Variants in POLN observed in about 807,000 individuals in gnomAD.
POLN encodes the protein DNA polymerase nu, also known as DNA polymerase N.
POLN carries 108 observed loss-of-function variants against 113.5 expected under a neutral mutation model. That is an observed-to-expected ratio of 0.95 (90% CI 0.81 to 1.12). The LOEUF (loss-of-function observed/expected upper bound fraction) is 1.12. POLN is among the 50% of genes most tolerant of loss of function. POLN has a pLI of 0.00. For missense variants in POLN, 1,097 were observed against 1,077.1 expected, an observed-to-expected ratio of 1.02 and a Z score of -0.26; for synonymous variants, 386 against 391.5, an observed-to-expected ratio of 0.99 and a Z score of 0.17.
chr4:2,146,045 C>CAA lies in POLN; in HGVS notation c.1731+10741_1731+10742dup, dbSNP rs34674279. On this transcript the variant is annotated intron_variant, in intron 16 of 25. Coordinates refer to ENST00000511885, the MANE Select transcript of POLN (RefSeq NM_181808.4). ...ATAATTTATATAAACTTTAAAATAG[C>CAA]AAAAAAAAGACAATCTATCATTTAA... 9.2e-3 allele frequency among the ~76,000 whole-genome samples: 1,384 copies of CAA among 150,682 alleles called. 12 individuals carry two copies. Among genetic ancestry groups the CAA allele is most frequent in the Non-Finnish European group, 0.015 (997 of 67,784 alleles).
chr4:2,121,805 A>G (rs534896262), intron 19 of POLN, among the ~76,000 whole-genome samples: 3 of 150,676 alleles, frequency 2.0e-5, no homozygotes, highest in South Asian at 2.1e-4. Flanking sequence ...TTTTTTACCA[A>G]TTTCCTCTAT....
chr4:2,211,442 G>C (rs963977581), intron 4 of POLN, among the ~76,000 whole-genome samples: 3 of 151,994 alleles, frequency 2.0e-5, no homozygotes, highest in Non-Finnish European at 4.4e-5. Context: ...TTGTGATAAG[G>C]ATTTTAAATT....
In POLN at chr4:2,240,401, A is replaced by G. The variant is rs752477168; in HGVS notation, c.-13+1119T>C. The G allele has an allele frequency of 2.7e-5, 43 of 1,612,384 alleles. 1 individual carries two copies. The South Asian group carries it at 3.9e-4, about 14-fold the overall frequency. Reference sequence around the variant, plus strand: ...GATTTGTCCCTTGACCTAAATTAGAATGTCTGAAGAACATCATCAATTGTG... The same window carrying G: ...GATTTGTCCCTTGACCTAAATTAGAGTGTCTGAAGAACATCATCAATTGTG... On this transcript the variant is annotated intron_variant, in intron 2 of 25. Transcript: ENST00000511885.
rs1188883388 is a variant in POLN at position 2,206,567 on chromosome 4, C to G, written c.714+1420G>C. 3.3e-5 allele frequency among the ~76,000 whole-genome samples: 5 copies of G among 152,234 alleles called. No homozygotes were observed. In the South Asian group the frequency reaches 1.0e-3, roughly 32 times the overall value. ...AATTAGCAAGAAAAAAGCAAACAAT[C>G]CCATCAAAAAGTGGGCTAAGGACAT... On this transcript the variant is annotated intron_variant, in intron 5 of 25. Transcript: ENST00000511885.
chr4:2,126,940 G>A lies in POLN; in HGVS notation c.1982+1173C>T, dbSNP rs1731596259. On this transcript the variant is annotated intron_variant, in intron 19 of 25. Transcript: ENST00000511885. This position sits in a 1 kb window ranked among gnomAD's most constrained non-coding sequence, Gnocchi z 4.6. ...GACAGAGGCGGAGACAGCGCATGGG[G>A]AGGGGAGTGCAGGGGGCCGGCCTAG... Among the ~76,000 whole-genome samples, 1 of 152,154 alleles carries A rather than the reference G, an allele frequency of 6.6e-6. No homozygotes were observed. Among genetic ancestry groups the A allele is most frequent in the East Asian group, 1.9e-4 (1 of 5,192 alleles).
chr4:2,158,158 G>T (rs976161574), intron 14 of POLN, among the ~76,000 whole-genome samples: 1 of 152,126 alleles, frequency 6.6e-6, no homozygotes, highest in Admixed American at 6.5e-5. Context: ...CGCCATGTTG[G>T]CCAGGCTGGT....
intron 10 of POLN, among the ~76,000 whole-genome samples, 179 bp from the exon 11 acceptor site, chr4:2,174,198 G>A (rs1250595553): frequency 6.6e-6 from 1 of 152,238 alleles, no homozygotes; most frequent in Non-Finnish European, 1.5e-5. Flanking sequence ...ACAGGCAAAT[G>A]GGCGCATTGA....
intron 19 of POLN, among the ~76,000 whole-genome samples, chr4:2,104,776 G>C (rs949548835): frequency 6.6e-6 from 1 of 152,194 alleles, no homozygotes; most frequent in African/African-American, 2.4e-5. Context: ...ATGGCTGAAA[G>C]AGGAAGAGCC....
Position 2,173,827 on chromosome 4 carries a change from G to C in POLN, c.1374+128C>G, listed in dbSNP as rs1436499153. The C allele has an allele frequency of 8.8e-6, 8 of 909,126 alleles. No individual in the cohort carries two copies. In the East Asian group the frequency reaches 1.9e-4, roughly 22 times the overall value. The allele number at this position is 909,126 out of a possible 1,614,324, so 56.3% of individuals were successfully genotyped here. A position where few individuals can be genotyped will look rare whatever the true frequency, so the allele number is the denominator to read the frequency against. ...CTCCCCTGCAGGCGTCAGAAAGAGG[G>C]AGAAACACTGTCAACACCAAACAAG... On this transcript the variant is annotated intron_variant, in intron 11 of 25. Coordinates refer to ENST00000511885, the MANE Select transcript of POLN (RefSeq NM_181808.4).
chr4:2,208,229 GTTTTC>G lies in POLN; in HGVS notation c.467_471del (p.Arg156ThrfsTer5). ...TCTGACAAATTATTATATGTAATATGTTTTCTTTTAAGATTAATGCTTCCTTTATT... is the reference window on the plus strand; with the variant it reads ...TCTGACAAATTATTATATGTAATATGTTTTAAGATTAATGCTTCCTTTATT... On this transcript the variant is annotated frameshift_variant, in exon 5 of 26. Coordinates refer to ENST00000511885, the MANE Select transcript of POLN (RefSeq NM_181808.4). LOFTEE classifies it high-confidence loss of function. 6 of 1,591,328 alleles carry G rather than the reference GTTTTC, an allele frequency of 3.8e-6. No individual in the cohort carries two copies. The highest frequency in any genetic ancestry group is 5.2e-6 in the Non-Finnish European group (6 of 1,161,750).
At chr4:2,156,485 C>T (rs1448803776) in intron 16 of POLN, 2 of 535,044 alleles carry the variant, frequency 3.7e-6, no homozygotes, top group Middle Eastern at 2.8e-4. Flanking sequence ...TCAGAAGCCA[C>T]CTGTCTGGCA....
intron 17 of POLN, among the ~76,000 whole-genome samples, chr4:2,129,587 A>G (rs1326168436): frequency 6.6e-6 from 1 of 152,136 alleles, no homozygotes; most frequent in East Asian, 1.9e-4. Flanking sequence ...ACAGGGTCTC[A>G]CTATGTTGCC....
intron 16 of POLN, among the ~76,000 whole-genome samples, chr4:2,136,047 A>G (rs1731849700): frequency 6.6e-6 from 1 of 152,190 alleles, no homozygotes; most frequent in African/African-American, 2.4e-5. Context: ...GGAGTCAATC[A>G]TGTTATTTAC....
intron 24 of POLN, among the ~76,000 whole-genome samples, chr4:2,074,435 C>T (rs941544048): frequency 5.9e-5 from 9 of 152,192 alleles, no homozygotes; most frequent in Admixed American, 1.3e-4. Context: ...AAGCTGCTCC[C>T]GGGAACAAGG....
chr4:2,124,361 G>A (rs1422575760), intron 19 of POLN, among the ~76,000 whole-genome samples: 1 of 152,022 alleles, frequency 6.6e-6, no homozygotes, highest in Non-Finnish European at 1.5e-5. Flanking sequence ...CCTCAACCTG[G>A]GCTCAAGCAA....
At chr4:2,082,187 C>G (rs1308821118) in intron 21 of POLN, among the ~76,000 whole-genome samples, 1 of 152,174 alleles carries the variant, frequency 6.6e-6, no homozygotes, top group Admixed American at 6.5e-5. Flanking sequence ...AACTCCTGAC[C>G]TCAGGTGATC....
At chr4:2,180,078 G>A (rs756576470) in intron 7 of POLN, among the ~76,000 whole-genome samples, 4 of 152,226 alleles carry the variant, frequency 2.6e-5, no homozygotes, top group Non-Finnish European at 5.9e-5. Flanking sequence ...CTTTGGTACT[G>A]TGGAAGGAAC....
chr4:2,185,459 C>T lies in POLN; in HGVS notation c.1022-5994G>A, dbSNP rs539273457. Among the ~76,000 whole-genome samples, 6 of 152,208 alleles carry T rather than the reference C, an allele frequency of 3.9e-5. No homozygotes were observed. In the South Asian group the frequency reaches 1.2e-3, roughly 32 times the overall value. On this transcript the variant is annotated intron_variant, in intron 7 of 25. Coordinates refer to ENST00000511885, the MANE Select transcript of POLN (RefSeq NM_181808.4). Reference sequence around the variant, plus strand: ...AAAAGAGGCTTAACAAATACAAGCACACCTGGCTGGGCGCGGTGGCCCATG... The same window carrying T: ...AAAAGAGGCTTAACAAATACAAGCATACCTGGCTGGGCGCGGTGGCCCATG...
chr4:2,219,911 C>T (rs558886750), intron 3 of POLN, among the ~76,000 whole-genome samples: 1 of 152,254 alleles, frequency 6.6e-6, no homozygotes, highest in East Asian at 1.9e-4. Flanking sequence ...CTGAAGTGAT[C>T]CCGCATAAAT....
Sources: allele counts gnomAD v4.1 joint callset (sites outside exome capture counted in the v4.1 genomes callset), GRCh38; gene constraint gnomAD v4.1.1; non-coding constraint Gnocchi (gnomAD v3.1); transcripts MANE v1.5; gene names NCBI Gene and HGNC (gene_info 2026-07-23, HGNC 2026-07-21).